Variants in SCARA5 observed in about 807,000 individuals in gnomAD.
The protein encoded by SCARA5 is scavenger receptor class A, member 5 (putative).
A neutral mutation model predicts 46.3 loss-of-function variants in SCARA5; 45 were observed. The observed-to-expected ratio is 0.97, with a 90% CI of 0.76 to 1.24. The LOEUF (loss-of-function observed/expected upper bound fraction) is 1.24. Among genes scored for constraint, SCARA5 ranks in the 50% most tolerant of loss-of-function variants. The pLI is 0.00. For synonymous variants in SCARA5, 333 were observed against 306.5 expected (o/e 1.09, Z -0.90); for missense variants, 680 against 689.0 (o/e 0.99, Z 0.15).
At chr8:27,924,958 C>A (rs1443301516) in intron 3 of SCARA5, among the ~76,000 whole-genome samples, 1 of 152,176 alleles carries the variant, frequency 6.6e-6, no homozygotes, top group Non-Finnish European at 1.5e-5. Context: ...TCAAGGAGAA[C>A]TGCAAACCAC....
At chr8:27,948,806 T>C (rs564834345) in intron 3 of SCARA5, among the ~76,000 whole-genome samples, 5 of 152,368 alleles carry the variant, frequency 3.3e-5, no homozygotes, top group East Asian at 1.9e-4. Flanking sequence ...TGGGCACTTT[T>C]CCATAAGCCC....
chr8:27,957,349 A>G (rs1478272231), intron 3 of SCARA5, among the ~76,000 whole-genome samples: 1 of 152,212 alleles, frequency 6.6e-6, no homozygotes, highest in Non-Finnish European at 1.5e-5. Flanking sequence ...ACAAACACCA[A>G]TGATACATCC....
At chr8:27,883,799 G>A (rs1184252656) in intron 7 of SCARA5, among the ~76,000 whole-genome samples, 1 of 152,150 alleles carries the variant, frequency 6.6e-6, no homozygotes, top group East Asian at 1.9e-4. Flanking sequence ...ACACAATGCA[G>A]GAAAATGCCC....
intron 7 of SCARA5, among the ~76,000 whole-genome samples, chr8:27,901,250 A>C (rs1345450144): frequency 6.6e-6 from 1 of 152,078 alleles, no homozygotes; most frequent in African/African-American, 2.4e-5. Context: ...GCACAGTTAC[A>C]TCCCCATCTG....
intron 4 of SCARA5, among the ~76,000 whole-genome samples, chr8:27,913,228 G>T (rs1168752867): frequency 1.3e-5 from 2 of 152,186 alleles, no homozygotes; most frequent in Non-Finnish European, 2.9e-5. Context: ...TAACTGGGAA[G>T]AAGGTGGGGT....
intron 3 of SCARA5, 56 bp downstream of exon 3, chr8:27,966,358 C>T (rs1042945412): frequency 3.3e-6 from 5 of 1,526,906 alleles, no homozygotes; most frequent in Non-Finnish European, 4.4e-6. Context: ...AGAGTGGAAG[C>T]TCCAGGTCTT....
At chr8:27,965,183 G>A (rs750093657) in intron 3 of SCARA5, among the ~76,000 whole-genome samples, 1 of 152,206 alleles carries the variant, frequency 6.6e-6, no homozygotes, top group Non-Finnish European at 1.5e-5. Flanking sequence ...TGAAGGCTCA[G>A]GCAGCATTGA....
In SCARA5 at chr8:27,984,880, CA is replaced by C. The variant is rs200883372; in HGVS notation, c.112+2623del. Among the ~76,000 whole-genome samples, 266 of 152,268 alleles carry C rather than the reference CA, an allele frequency of 1.7e-3. 5 individuals are homozygous for C. In the East Asian group the frequency reaches 0.039, roughly 22 times the overall value. On this transcript the variant is annotated intron_variant, in intron 2 of 8. Transcript: ENST00000354914. ...CCATCCATCCATCCATCCATTCATTCATTTACTCATTCATTCATCCATCCAT... is the reference window on the plus strand; with the variant it reads ...CCATCCATCCATCCATCCATTCATTCTTTACTCATTCATTCATCCATCCAT...
At position 27,911,520 on chromosome 8, in the gene SCARA5, C is replaced by T. The variant is rs1438652392; in HGVS notation, c.917-1777G>A. ...CGGCCTGGCCAACATGGTGAAATCC[C>T]GTCTCTACTAAAAATACAAAAATTA... On this transcript the variant is annotated intron_variant, in intron 4 of 8. Transcript: ENST00000354914. Among the ~76,000 whole-genome samples, 8 of 152,246 alleles carry T rather than the reference C, an allele frequency of 5.3e-5. 1 individual carries two copies. The highest frequency in any genetic ancestry group is 2.0e-4 in the Admixed American group (3 of 15,290).
chr8:27,949,869 G>A (rs1218112622), intron 3 of SCARA5, among the ~76,000 whole-genome samples: 1 of 152,222 alleles, frequency 6.6e-6, no homozygotes, highest in Non-Finnish European at 1.5e-5. Flanking sequence ...GGACCTGAGG[G>A]GAGCCACTGC....
rs756874351 is a variant in SCARA5 at position 27,974,837 on chromosome 8, A to G, written c.113-8295T>C. On this transcript the variant is annotated intron_variant, in intron 2 of 8. Transcript: ENST00000354914. ...CTGGAGTCACAGCGGACCCAGGGAA[A>G]CAAGTCTCCCTGGAGCCTGGCAGGG... Among the ~76,000 whole-genome samples, 5 of 151,826 alleles carry G rather than the reference A, an allele frequency of 3.3e-5. 1 individual carries two copies. The highest frequency in any genetic ancestry group is 3.3e-4 in the Admixed American group (5 of 15,224).
At chr8:27,988,249 A>G (rs1029045071) in intron 1 of SCARA5, among the ~76,000 whole-genome samples, 2 of 152,200 alleles carry the variant, frequency 1.3e-5, no homozygotes, top group Non-Finnish European at 2.9e-5. Flanking sequence ...CCCGAGGAGC[A>G]GGGAGCCTCT....
chr8:27,989,889 T>C (rs1808763196), intron 1 of SCARA5, among the ~76,000 whole-genome samples: 1 of 152,312 alleles, frequency 6.6e-6, no homozygotes, highest in Admixed American at 6.5e-5. Context: ...GAGCACTGTG[T>C]GCGGCAGCCC....
At chr8:27,976,616 C>T (rs1489735935) in intron 2 of SCARA5, among the ~76,000 whole-genome samples, 2 of 152,178 alleles carry the variant, frequency 1.3e-5, no homozygotes, top group South Asian at 2.1e-4. Context: ...GTTGAATACA[C>T]CTGTCTCACT....
chr8:27,936,115 C>A (rs1355409458), intron 3 of SCARA5, among the ~76,000 whole-genome samples: 2 of 152,184 alleles, frequency 1.3e-5, no homozygotes, highest in East Asian at 1.9e-4. Flanking sequence ...CGGCAGGAGA[C>A]CCCTTTGAGA....
chr8:27,984,288 T>A (rs1808667104), intron 2 of SCARA5, among the ~76,000 whole-genome samples: 1 of 152,194 alleles, frequency 6.6e-6, no homozygotes, highest in African/African-American at 2.4e-5. Flanking sequence ...AAAATCAAAT[T>A]GGAAGCCCAC....
rs978122982 is a variant in SCARA5 at position 27,932,127 on chromosome 8, G to A, written c.242-9882C>T. ...GCTTAGTAGCTGGGACTACAGGCGT[G>A]CACCACCACACCCAGCTAAATTTTG... On this transcript the variant is annotated intron_variant, in intron 3 of 8. Transcript: ENST00000354914. Among the ~76,000 whole-genome samples the A allele has an allele frequency of 2.0e-5, 3 of 152,148 alleles. No homozygotes were observed. In the South Asian group the frequency reaches 6.2e-4, roughly 32 times the overall value.
intron 7 of SCARA5, among the ~76,000 whole-genome samples, chr8:27,896,918 C>G (rs1413966493): frequency 6.6e-6 from 1 of 152,092 alleles, no homozygotes; most frequent in Non-Finnish European, 1.5e-5. Flanking sequence ...ATGGTGAAAC[C>G]CTGCCTCTAC....
chr8:27,897,529 G>A (rs570405807), intron 7 of SCARA5, among the ~76,000 whole-genome samples: 1 of 152,352 alleles, frequency 6.6e-6, no homozygotes, highest in Non-Finnish European at 1.5e-5. Flanking sequence ...TCTGATGTGG[G>A]TATTACTAAG....
Sources: gnomAD v4.1 joint callset for allele counts (sites outside exome capture counted in the v4.1 genomes callset) on GRCh38, gnomAD v4.1.1 for gene constraint, MANE v1.5 for transcripts, NCBI Gene and HGNC (gene_info 2026-07-23, HGNC 2026-07-21) for gene names.